Variants in MILR1 observed in about 807,000 individuals in gnomAD.
MILR1 encodes allergin-1.
Under a neutral mutation model 18.5 loss-of-function variants are expected in MILR1, and 31 were observed. The observed-to-expected ratio is 1.68, with a 90% CI of 1.26 to 2.26. MILR1 has a LOEUF of 2.26. MILR1 is among the 30% of genes most tolerant of loss of function. MILR1 has a pLI of 0.00. For synonymous variants in MILR1, 85 were observed against 56.2 expected, an observed-to-expected ratio of 1.51 and a Z score of -2.30; for missense variants, 257 against 157.4, an observed-to-expected ratio of 1.63 and a Z score of -3.38.
chr17:64,465,382 C>T (rs1044214149), intron 5 of MILR1, 70 bp from the exon 6 acceptor site: 2 of 1,109,440 alleles, frequency 1.8e-6, no homozygotes, highest in Non-Finnish European at 1.3e-6. Flanking sequence ...GAATTCTGCT[C>T]CTTGGCCGAG....
At chr17:64,477,941 G>C in the MILR1 span, 3 of 1,613,918 alleles carry the variant, frequency 1.9e-6, no homozygotes, top group Admixed American at 5.0e-5. Flanking sequence ...ATTCTCCAAA[G>C]TAGTTTCAGT....
At chr17:64,493,474 T>C in the MILR1 span, among the ~76,000 whole-genome samples, 2 of 151,902 alleles carry the variant, frequency 1.3e-5, no homozygotes, top group South Asian at 4.1e-4. Flanking sequence ...CACCCTGAGT[T>C]TTTAGTTTGA....
At chr17:64,473,896 G>A in the MILR1 span, among the ~76,000 whole-genome samples, 1 of 152,146 alleles carries the variant, frequency 6.6e-6, no homozygotes, top group Non-Finnish European at 1.5e-5. Flanking sequence ...CCTTTGTGGA[G>A]ATGGTTATAC....
chr17:64,496,173 T>C, the MILR1 span, among the ~76,000 whole-genome samples: 54 of 152,210 alleles, frequency 3.5e-4, no homozygotes, highest in East Asian at 1.9e-4. Flanking sequence ...CCCCGTGAAA[T>C]TGAGAGCGTT....
At chr17:64,478,027 T>C in the MILR1 span, 16 of 1,599,404 alleles carry the variant, frequency 1.0e-5, no homozygotes, top group African/African-American at 1.7e-4. Flanking sequence ...TGAGCACAAA[T>C]GTAAATAATA....
chr17:64,479,118 A>G, the MILR1 span, among the ~76,000 whole-genome samples: 6 of 152,082 alleles, frequency 3.9e-5, no homozygotes, highest in Non-Finnish European at 7.4e-5. Flanking sequence ...CATTTTACAC[A>G]TAATAAAACC....
At chr17:64,489,123 T>A in the MILR1 span, among the ~76,000 whole-genome samples, 2 of 150,750 alleles carry the variant, frequency 1.3e-5, no homozygotes, top group Non-Finnish European at 3.0e-5. Flanking sequence ...GAACAATATA[T>A]TGCTACAAAA....
intron 4 of MILR1, among the ~76,000 whole-genome samples, chr17:64,458,425 C>G (rs2037351904): frequency 6.6e-6 from 1 of 151,900 alleles, no homozygotes; most frequent in Admixed American, 6.6e-5. Flanking sequence ...GTTGGCCAGA[C>G]TGGTCTCGAA....
chr17:64,485,155 C>T, the MILR1 span: 2 of 153,566 alleles, frequency 1.3e-5, no homozygotes, highest in African/African-American at 2.4e-5. Context: ...CATCCTGACC[C>T]CTCCGGTTTC....
chr17:64,474,323 C>T, the MILR1 span, among the ~76,000 whole-genome samples: 1 of 152,174 alleles, frequency 6.6e-6, no homozygotes, highest in Non-Finnish European at 1.5e-5. Flanking sequence ...GATCCACCCA[C>T]CTCAGTCTCC....
the MILR1 span, chr17:64,496,977 G>A: frequency 3.1e-6 from 5 of 1,601,290 alleles, no homozygotes; most frequent in South Asian, 1.1e-5. Flanking sequence ...ATCTCTCTCC[G>A]AAGTTAAAGA....
chr17:64,476,860 A>T, the MILR1 span, among the ~76,000 whole-genome samples: 1 of 151,892 alleles, frequency 6.6e-6, no homozygotes, highest in South Asian at 2.1e-4. Flanking sequence ...AAAAAAAGAG[A>T]AAAACCTACC....
chr17:64,474,960 G>GAGGTGGGCAGATCACCTGAGGTC, the MILR1 span, among the ~76,000 whole-genome samples: 2 of 152,266 alleles, frequency 1.3e-5, no homozygotes, highest in African/African-American at 4.8e-5. Flanking sequence ...TTGGGAGGCT[G>GAGGTGGGCAGATCACCTGAGGTC]AGGTGGGCAG....
At chr17:64,458,963 A>T (rs118193927) in intron 4 of MILR1, among the ~76,000 whole-genome samples, 1 of 152,164 alleles carries the variant, frequency 6.6e-6, no homozygotes, top group African/African-American at 2.4e-5. Flanking sequence ...CGTGCATGCA[A>T]GGCCCCTTAG....
chr17:64,454,799 G>A (rs887439540), intron 3 of MILR1, among the ~76,000 whole-genome samples: 2 of 152,068 alleles, frequency 1.3e-5, no homozygotes, highest in African/African-American at 4.8e-5. Flanking sequence ...TTTGAGACCA[G>A]CCTGGGAACT....
chr17:64,481,168 G>C, the MILR1 span: 2 of 558,642 alleles, frequency 3.6e-6, no homozygotes, highest in Non-Finnish European at 4.5e-6. Context: ...AATCTCTCCA[G>C]ACATTACTAA....
chr17:64,489,065 G>A, the MILR1 span, among the ~76,000 whole-genome samples: 1 of 123,766 alleles, frequency 8.1e-6, no homozygotes. Flanking sequence ...TCATCCTGTT[G>A]CACAGGCTGG....
intron 5 of MILR1, among the ~76,000 whole-genome samples, chr17:64,462,750 C>T (rs1033591063): frequency 2.6e-5 from 4 of 151,718 alleles, no homozygotes; most frequent in Admixed American, 1.3e-4. Context: ...AAGCGATTCT[C>T]CTGCCTCAGC....
At chr17:64,489,088 C>T in the MILR1 span, among the ~76,000 whole-genome samples, 1 of 147,576 alleles carries the variant, frequency 6.8e-6, no homozygotes, top group Admixed American at 6.8e-5. Flanking sequence ...TGCAGCAGCA[C>T]AGTCTTGGCT....
Sources: allele counts gnomAD v4.1 joint callset (sites outside exome capture counted in the v4.1 genomes callset), GRCh38; gene constraint gnomAD v4.1.1; transcripts MANE v1.5; gene names NCBI Gene and HGNC (gene_info 2026-07-23, HGNC 2026-07-21).